PLG: variants seen among roughly 807,000 people sequenced by gnomAD.
The protein encoded by PLG is plasminogen, also known as plasmin.
Under a neutral mutation model 104.4 loss-of-function variants are expected in PLG, and 41 were observed. The ratio of observed to expected loss-of-function variants is 0.39; its 90% CI spans 0.31 to 0.51. PLG has a LOEUF of 0.51. Among genes scored for constraint, PLG ranks in the 20% least tolerant of loss-of-function variants. The pLI is 0.76. For missense variants in PLG, 891 were observed against 1,003.6 expected, an observed-to-expected ratio of 0.89 and a Z score of 1.52; for synonymous variants, 337 against 357.1, an observed-to-expected ratio of 0.94 and a Z score of 0.63.
rs1431541698 is a variant in PLG at position 160,752,209 on chromosome 6, A to G, written c.2220A>G (p.Gln740=). 2 of 1,613,330 alleles carry G rather than the reference A, an allele frequency of 1.2e-6. No individual in the cohort carries two copies. The highest frequency in any genetic ancestry group is 1.3e-5 in the African/African-American group (1 of 74,916). ...ATGAGTTTCTGAATGGAAGAGTCCAATCCACCGAACTCTGTGCTGGGCATT... is the reference window on the plus strand; with the variant it reads ...ATGAGTTTCTGAATGGAAGAGTCCAGTCCACCGAACTCTGTGCTGGGCATT... ...NRYEFLNGRV[Q]STELCAGHLA... Residue 740 remains glutamine, a synonymous_variant, in exon 18 of 19, where the codon CAA becomes CAG. Transcript: ENST00000308192. This position sits in a 1 kb window ranked among gnomAD's most constrained non-coding sequence, Gnocchi z 4.7.
Position 160,735,807 on chromosome 6 carries a change from G to A in PLG, c.1682-1080G>A, listed in dbSNP as rs766848241. Among the ~76,000 whole-genome samples the A allele has an allele frequency of 1.3e-5, 2 of 152,126 alleles. No individual in the cohort carries two copies. Among genetic ancestry groups the A allele is most frequent in the African/African-American group, 4.8e-5 (2 of 41,418 alleles). ...TCTGTAGTTACTCTTTTAGTACAAC[G>A]ATGCATGTCTACTGTATGTAAGGCA... On this transcript the variant is annotated intron_variant, in intron 13 of 18. Coordinates refer to ENST00000308192, the MANE Select transcript of PLG (RefSeq NM_000301.5). This position sits in a 1 kb window ranked among gnomAD's most constrained non-coding sequence, Gnocchi z 5.4.
At chr6:160,702,509 A>G (rs4252063) in intron 1 of PLG, among the ~76,000 whole-genome samples, 156 bp downstream of exon 1, 1,990 of 152,340 alleles carry the variant, frequency 0.013, 44 homozygotes, top group African/African-American at 0.045. Context: ...TCTTCAAGAA[A>G]TAAGTTTAAG....
chr6:160,707,662 A>G (rs1554249451), intron 2 of PLG, 38 bp from the exon 3 acceptor site: 2 of 1,526,278 alleles, frequency 1.3e-6, no homozygotes, highest in Admixed American at 1.7e-5. Flanking sequence ...CTTTAAATAA[A>G]GAAAAATACT....
rs4252131 is a variant in PLG, at chr6:160,732,256, GA to G, written c.1587+369del. Among the ~76,000 whole-genome samples, 4,926 of 152,188 alleles carry G rather than the reference GA, an allele frequency of 0.032. 260 individuals carry two copies. The highest frequency in any genetic ancestry group is 0.11 in the African/African-American group (4,498 of 41,498). On this transcript the variant is annotated intron_variant, in intron 12 of 18. Coordinates refer to ENST00000308192, the MANE Select transcript of PLG (RefSeq NM_000301.5). This position sits in a 1 kb window ranked among gnomAD's most constrained non-coding sequence, Gnocchi z 4.5. ...ATGAAATTTAAGTCAGATTTTTCGA[GA>G]AAAAATTTGGATGGGCCATCAGGTC...
rs3757017 is a variant in PLG at position 160,737,702 on chromosome 6, T to C, written c.1802+695T>C. ...TCCTCATCTCACTTCTACACGAGGG[T>C]GCCTGTGCTCAATTGCTGTTTTCCC... On this transcript the variant is annotated intron_variant, in intron 14 of 18. Transcript: ENST00000308192. The surrounding 1 kb of genome is among the most constrained non-coding windows in gnomAD (Gnocchi z 4.7). Among the ~76,000 whole-genome samples, 103,082 of 152,032 alleles carry C rather than the reference T, an allele frequency of 0.68. 35,616 individuals carry two copies. The highest frequency in any genetic ancestry group is 0.79 in the African/African-American group (32,736 of 41,492).
Position 160,746,137 on chromosome 6 carries a change from G to A in PLG, c.2125+4720G>A, listed in dbSNP as rs111766266. ...GATCTTCTTGTATAGAATCTCACAGGGGTTCTCTGTATTTTCTAAATTTGA... is the reference window on the plus strand; with the variant it reads ...GATCTTCTTGTATAGAATCTCACAGAGGTTCTCTGTATTTTCTAAATTTGA... On this transcript the variant is annotated intron_variant, in intron 17 of 18. Coordinates refer to ENST00000308192, the MANE Select transcript of PLG (RefSeq NM_000301.5). Among the ~76,000 whole-genome samples, 4 of 152,180 alleles carry A rather than the reference G, an allele frequency of 2.6e-5. 1 individual carries two copies. The highest frequency in any genetic ancestry group is 7.2e-5 in the African/African-American group (3 of 41,524).
chr6:160,733,996 A>G lies in PLG; in HGVS notation c.1589A>G (p.Tyr530Cys). Residue 530 changes from tyrosine to cysteine, a missense_variant and splice_region_variant, in exon 13 of 19, where the codon TAC (tyrosine) becomes TGC (cysteine). By Grantham distance (194) the Tyr-to-Cys change is radical. Transcript: ENST00000308192. The stretch of plus-strand genomic sequence containing the variant: ...GCTTACATGCCTTCTTGTTTTCAGT[A>G]CTGCCGTAACCCTGATGGTGATGTA... ...TNPRAGLEKN[Y>C]CRNPDGDVGG... 1 of 1,591,932 alleles carries G rather than the reference A, an allele frequency of 6.3e-7. No individual in the cohort carries two copies. Among genetic ancestry groups the G allele is most frequent in the Non-Finnish European group, 8.6e-7 (1 of 1,160,210 alleles).
At chr6:160,705,066 C>T (rs142654004) in intron 1 of PLG, among the ~76,000 whole-genome samples, 2 of 152,316 alleles carry the variant, frequency 1.3e-5, no homozygotes, top group East Asian at 3.9e-4. Flanking sequence ...CTGTAACCCA[C>T]CCCCTCTGCC....
Position 160,702,844 on chromosome 6 carries a change from G to A in PLG, c.49+491G>A, listed in dbSNP as rs1777444796. 2.0e-5 allele frequency among the ~76,000 whole-genome samples: 3 copies of A among 152,214 alleles called. No homozygotes were observed. The South Asian group carries it at 6.2e-4, about 32-fold the overall frequency. On this transcript the variant is annotated intron_variant, in intron 1 of 18. Transcript: ENST00000308192. Reference sequence around the variant, plus strand: ...TCTCCCTTTGTTATGGCCTGAGGAAGGCTTTCCATCAGTATACGTTTGCCT... The same window carrying A: ...TCTCCCTTTGTTATGGCCTGAGGAAAGCTTTCCATCAGTATACGTTTGCCT...
Position 160,738,716 on chromosome 6 carries a change from C to A in PLG, c.1877+104C>A. ...CTTTCTCACTCTTCCTCCCTTCCTT[C>A]TCTGGCTGTGACACTAGGGACCAGG... On this transcript the variant is annotated intron_variant, in intron 15 of 18. Transcript: ENST00000308192. This position sits in a 1 kb window ranked among gnomAD's most constrained non-coding sequence, Gnocchi z 6.8. The A allele has an allele frequency of 1.6e-5, 14 of 866,956 alleles. No individual in the cohort carries two copies. The highest frequency in any genetic ancestry group is 3.0e-4 in the Middle Eastern group (1 of 3,374). The allele number at this position is 866,956 out of a possible 1,614,324, so 53.7% of individuals were successfully genotyped here. A position where few individuals can be genotyped will look rare whatever the true frequency, so the allele number is the denominator to read the frequency against.
Position 160,716,697 on chromosome 6 carries a change from C to G in PLG, c.721C>G (p.Leu241Val). 1 of 1,613,748 alleles carries G rather than the reference C, an allele frequency of 6.2e-7. No homozygotes were observed. Among genetic ancestry groups the G allele is most frequent in the Admixed American group, 1.7e-5 (1 of 60,024 alleles). ...TTACTGTCGTAACCCCGATAGGGAGCTGCGGCCTTGGTGTTTCACCACCGA... is the reference window on the plus strand; with the variant it reads ...TTACTGTCGTAACCCCGATAGGGAGGTGCGGCCTTGGTGTTTCACCACCGA... The part of the protein sequence containing the change: ...KNYCRNPDRE[L>V]RPWCFTTDPN... The change falls in exon 7 of 19, where the codon CTG becomes GTG. Residue 241 changes from leucine to valine, a missense_variant. Leu to Val is a conservative substitution (Grantham distance 32). Coordinates refer to ENST00000308192, the MANE Select transcript of PLG (RefSeq NM_000301.5).
intron 9 of PLG, among the ~76,000 whole-genome samples, chr6:160,721,065 C>T (rs1777820736): frequency 6.6e-6 from 1 of 152,066 alleles, no homozygotes; most frequent in Non-Finnish European, 1.5e-5. Context: ...TTTCATGTTA[C>T]TCTTTTCTAT....
chr6:160,730,471 A>C (rs1014151814), intron 10 of PLG, among the ~76,000 whole-genome samples: 32 of 152,274 alleles, frequency 2.1e-4, no homozygotes, highest in African/African-American at 7.7e-4. Context: ...CGGTATTGAC[A>C]GTAACACTAT....
At position 160,707,819 on chromosome 6, in the gene PLG, T is replaced by C. The variant is rs925975544; in HGVS notation, c.292+13T>C. 7 of 1,579,868 alleles carry C rather than the reference T, an allele frequency of 4.4e-6. No individual in the cohort carries two copies. In the African/African-American group the frequency reaches 9.4e-5, roughly 21 times the overall value. On this transcript the variant is annotated intron_variant, in intron 3 of 18. Coordinates refer to ENST00000308192, the MANE Select transcript of PLG (RefSeq NM_000301.5). ...TTTGAAAAGAAAGGTGAGTACATTT[T>C]CTTCCTCCTCCTCCTACTGTCCTCC...
rs1489575884 is a variant in PLG at position 160,740,404 on chromosome 6, T to G, written c.2019-907T>G. ...TGGCTTGAACAAGTAATTTGGAAAT[T>G]TTGGGTTTTGGAGGAGTTCTCTGAT... On this transcript the variant is annotated intron_variant, in intron 16 of 18. Transcript: ENST00000308192. This position sits in a 1 kb window ranked among gnomAD's most constrained non-coding sequence, Gnocchi z 5.2. Among the ~76,000 whole-genome samples the G allele has an allele frequency of 6.6e-6, 1 of 151,968 alleles. No homozygotes were observed. Among genetic ancestry groups the G allele is most frequent in the Admixed American group, 6.6e-5 (1 of 15,266 alleles).
chr6:160,748,049 G>A (rs1331372824), intron 17 of PLG, among the ~76,000 whole-genome samples: 2 of 152,092 alleles, frequency 1.3e-5, no homozygotes, highest in African/African-American at 2.4e-5. Flanking sequence ...GCTCACGCCT[G>A]TAATCCCAGC....
chr6:160,746,660 A>C (rs1401251353), intron 17 of PLG, among the ~76,000 whole-genome samples: 1 of 152,214 alleles, frequency 6.6e-6, no homozygotes, highest in Non-Finnish European at 1.5e-5. Context: ...CCTTGTTAAG[A>C]ACCCTTGTTA....
chr6:160,734,745 G>GAA lies in PLG; in HGVS notation c.1681+675_1681+676dup, dbSNP rs201754541. Among the ~76,000 whole-genome samples the GAA allele has an allele frequency of 7.9e-5, 9 of 113,926 alleles. No individual in the cohort carries two copies. Among genetic ancestry groups the GAA allele is most frequent in the East Asian group, 5.1e-4 (2 of 3,912 alleles). 74.7% of individuals were successfully genotyped at this position (113,926 alleles called of 152,430 possible). On this transcript the variant is annotated intron_variant, in intron 13 of 18. Transcript: ENST00000308192. The surrounding 1 kb of genome is among the most constrained non-coding windows in gnomAD (Gnocchi z 4.4). Reference sequence around the variant, plus strand: ...GAATAACAAATCCATGGGTATTTCTGAAAAAAAAAAAAAAAAAAAGAAAGG... The same window carrying GAA: ...GAATAACAAATCCATGGGTATTTCTGAAAAAAAAAAAAAAAAAAAAAGAAAGG...
chr6:160,734,065 A>G lies in PLG; in HGVS notation c.1658A>G (p.Asp553Gly). ...ACGACAAATCCAAGAAAACTTTACG[A>G]CTACTGTGATGTCCCTCAGTGTGGT... ...CYTTNPRKLYDYCDVPQCAAP... is the reference protein window; with the variant it reads ...CYTTNPRKLYGYCDVPQCAAP... Residue 553 changes from aspartate to glycine, a missense_variant, in exon 13 of 19, where the codon GAC becomes GGC. Asp to Gly is a moderately conservative substitution (Grantham distance 94). This residue lies in a region of PLG where 854 missense variants were observed against 932.1 expected (regional missense o/e 0.92). Transcript: ENST00000308192. The surrounding 1 kb of genome is among the most constrained non-coding windows in gnomAD (Gnocchi z 4.4). The G allele has an allele frequency of 6.2e-7, 1 of 1,604,684 alleles. No individual in the cohort carries two copies. Among genetic ancestry groups the G allele is most frequent in the Non-Finnish European group, 8.5e-7 (1 of 1,171,728 alleles).
Sources: allele counts gnomAD v4.1 joint callset (sites outside exome capture counted in the v4.1 genomes callset), GRCh38; gene constraint gnomAD v4.1.1; regional missense constraint gnomAD v4.1.1; non-coding constraint Gnocchi (gnomAD v3.1); transcripts MANE v1.5; gene names NCBI Gene and HGNC (gene_info 2026-07-23, HGNC 2026-07-21).